ABAT: variants seen among roughly 807,000 people sequenced by gnomAD.
ABAT encodes the protein 4-aminobutyrate aminotransferase, mitochondrial.
In ABAT, 45 loss-of-function variants were observed where a neutral mutation model predicts 64.6. The ratio of observed to expected loss-of-function variants is 0.70; its 90% CI spans 0.55 to 0.89. The LOEUF is 0.89. ABAT is among the 40% of genes least tolerant of loss of function. The pLI is 0.00. For missense variants in ABAT, 633 were observed against 658.4 expected, an observed-to-expected ratio of 0.96 and a Z score of 0.42; for synonymous variants, 297 against 250.5, an observed-to-expected ratio of 1.19 and a Z score of -1.75.
At chr16:8,760,872 G>C (rs939394362) in intron 6 of ABAT, among the ~76,000 whole-genome samples, 2 of 152,126 alleles carry the variant, frequency 1.3e-5, no homozygotes, top group African/African-American at 4.8e-5. Context: ...CCAAGAGTTG[G>C]AGACCAGCCT....
chr16:8,721,946 C>G (rs375817723), intron 1 of ABAT, among the ~76,000 whole-genome samples: 20 of 152,338 alleles, frequency 1.3e-4, no homozygotes, highest in African/African-American at 4.6e-4. Context: ...CTGAGACACA[C>G]AGTAAGGAAT....
At chr16:8,752,487 G>C (rs74840368) in intron 5 of ABAT, among the ~76,000 whole-genome samples, 3 of 152,178 alleles carry the variant, frequency 2.0e-5, no homozygotes, top group Non-Finnish European at 2.9e-5. Flanking sequence ...GGTCGGGCAC[G>C]GTGGAGCACG....
intron 5 of ABAT, among the ~76,000 whole-genome samples, chr16:8,756,713 C>T (rs150966242): frequency 9.2e-5 from 14 of 152,356 alleles, no homozygotes; most frequent in African/African-American, 3.1e-4. Flanking sequence ...TCACCCTTTT[C>T]TACAGCTGAT....
chr16:8,733,602 G>A (rs868759960), intron 1 of ABAT, among the ~76,000 whole-genome samples: 21 of 151,948 alleles, frequency 1.4e-4, no homozygotes, highest in South Asian at 4.1e-4. Flanking sequence ...GGCCGAGGCT[G>A]GCGGATCACT....
At chr16:8,710,894 A>G (rs553256430) in intron 1 of ABAT, among the ~76,000 whole-genome samples, 2 of 152,192 alleles carry the variant, frequency 1.3e-5, no homozygotes, top group Non-Finnish European at 2.9e-5. Flanking sequence ...CTTTAGAACA[A>G]GAGAGAAGAC....
intron 1 of ABAT, among the ~76,000 whole-genome samples, chr16:8,723,496 C>A (rs1263878047): frequency 1.3e-5 from 2 of 152,082 alleles, no homozygotes; most frequent in African/African-American, 2.4e-5. Context: ...ATCTGTGGGG[C>A]CTCTTTCCTT....
At chr16:8,763,168 C>T (rs1260627918) in intron 6 of ABAT, among the ~76,000 whole-genome samples, 1 of 150,748 alleles carries the variant, frequency 6.6e-6, no homozygotes, top group Non-Finnish European at 1.5e-5. Flanking sequence ...CAAGCATGAG[C>T]ATTTTCGGGC....
intron 1 of ABAT, among the ~76,000 whole-genome samples, chr16:8,726,339 C>T (rs1382084272): frequency 1.4e-5 from 2 of 144,268 alleles, no homozygotes; most frequent in Admixed American, 1.5e-4. Context: ...CGGCTCACTG[C>T]AACCTCTGCC....
At chr16:8,718,100 ACCTCAGTCTCAT>A (rs1024600556) in intron 1 of ABAT, among the ~76,000 whole-genome samples, 2 of 152,162 alleles carry the variant, frequency 1.3e-5, no homozygotes, top group African/African-American at 4.8e-5. Context: ...CCCTCTCTGA[ACCTCAGTCTCAT>A]CCTCAGTCTC....
intron 14 of ABAT, among the ~76,000 whole-genome samples, chr16:8,778,274 G>C (rs781348964): frequency 2.6e-5 from 4 of 152,186 alleles, no homozygotes; most frequent in Non-Finnish European, 5.9e-5. Context: ...TTGGAGGCCA[G>C]GGTCTGAAAT....
At chr16:8,700,225 G>A (rs1044550596) in intron 1 of ABAT, among the ~76,000 whole-genome samples, 5 of 152,162 alleles carry the variant, frequency 3.3e-5, no homozygotes, top group African/African-American at 1.2e-4. Context: ...ACAGCTTGTG[G>A]TTACTTGGAG....
intron 4 of ABAT, among the ~76,000 whole-genome samples, chr16:8,749,559 C>G (rs537753716): frequency 1.3e-5 from 2 of 150,862 alleles, no homozygotes. Context: ...CCACTATGCC[C>G]GGCTAATTTT....
chr16:8,726,314 G>A (rs1423654806), intron 1 of ABAT, among the ~76,000 whole-genome samples: 1 of 129,770 alleles, frequency 7.7e-6, no homozygotes, highest in African/African-American at 2.9e-5. Context: ...AGGCTGGAGT[G>A]CAGTGGCGCC....
At position 8,750,943 on chromosome 16, in the gene ABAT, C is replaced by CTT. The variant is rs71301327; in HGVS notation, c.316+425_316+426dup. On this transcript the variant is annotated intron_variant, in intron 5 of 15. Coordinates refer to ENST00000268251, the MANE Select transcript of ABAT (RefSeq NM_020686.6). The stretch of plus-strand genomic sequence containing the variant: ...GAGGTGGGGATTTCCTTTTTCCCTG[C>CTT]TTTTTTTTTTTTTTTTTTTTTTCCA... Among the ~76,000 whole-genome samples, 1,008 of 109,652 alleles carry CTT rather than the reference C, an allele frequency of 9.2e-3. 11 individuals carry two copies. The highest frequency in any genetic ancestry group is 0.012 in the South Asian group (39 of 3,148). The allele number at this position is 109,652 out of a possible 152,430, so 71.9% of individuals were successfully genotyped here. A position where few individuals can be genotyped will look rare whatever the true frequency, so the allele number is the denominator to read the frequency against.
At chr16:8,737,936 AAAG>A (rs2059002575) in intron 2 of ABAT, among the ~76,000 whole-genome samples, 1 of 51,920 alleles carries the variant, frequency 1.9e-5, no homozygotes, top group Non-Finnish European at 3.8e-5. Flanking sequence ...AAAAAAAAAG[AAAG>A]GAAAGGAAGA....
At chr16:8,690,655 G>A (rs796096313) in intron 1 of ABAT, among the ~76,000 whole-genome samples, 5 of 152,250 alleles carry the variant, frequency 3.3e-5, no homozygotes, top group African/African-American at 1.2e-4. Context: ...CTCATTCTCG[G>A]CAGTGCCTTT....
intron 14 of ABAT, among the ~76,000 whole-genome samples, chr16:8,778,619 C>CA (rs925885705): frequency 1.8e-4 from 28 of 151,616 alleles, no homozygotes; most frequent in African/African-American, 4.6e-4. Context: ...ACTAAAACTA[C>CA]AAAAAAAAGT....
At chr16:8,678,310 A>G (rs1021080679) in intron 1 of ABAT, among the ~76,000 whole-genome samples, 1 of 152,142 alleles carries the variant, frequency 6.6e-6, no homozygotes, top group African/African-American at 2.4e-5. Context: ...TTCCCAAAGC[A>G]CTGGGGTTAC....
chr16:8,772,973 C>G (rs746514706), intron 12 of ABAT, 56 bp downstream of exon 12: 102 of 1,610,062 alleles, frequency 6.3e-5, no homozygotes, highest in Admixed American at 5.5e-4. Flanking sequence ...GGTTGAGTTC[C>G]CCGAGTAACG....
Sources: gnomAD v4.1 joint callset for allele counts (sites outside exome capture counted in the v4.1 genomes callset) on GRCh38, gnomAD v4.1.1 for gene constraint, MANE v1.5 for transcripts, NCBI Gene and HGNC (gene_info 2026-07-23, HGNC 2026-07-21) for gene names.